Variants in CSMD3 observed in about 807,000 individuals in gnomAD.
CSMD3 encodes the protein CUB and sushi domain-containing protein 3.
In CSMD3, 177 loss-of-function variants were observed where a neutral mutation model predicts 435.2. The ratio of observed to expected loss-of-function variants is 0.41; its 90% CI spans 0.36 to 0.46. CSMD3 has a LOEUF of 0.46. Ranked by LOEUF, CSMD3 falls within the 20% of genes least tolerant of loss-of-function variation. CSMD3 has a pLI of 0.34. For missense variants in CSMD3, 4,265 were observed against 4,504.6 expected (o/e 0.95, Z 1.52); for synonymous variants, 1,656 against 1,520.5 (o/e 1.09, Z -2.07).
At chr8:113,036,422 T>C (rs2087354062) in intron 5 of CSMD3, among the ~76,000 whole-genome samples, 1 of 152,054 alleles carries the variant, frequency 6.6e-6, no homozygotes, top group African/African-American at 2.4e-5. Flanking sequence ...GGAATAGAAA[T>C]GTAACAGCTT....
rs2088218103 is a variant in CSMD3 at position 113,054,165 on chromosome 8, T to C, written c.918-34986A>G. Among the ~76,000 whole-genome samples the C allele has an allele frequency of 3.3e-5, 5 of 152,340 alleles. No individual in the cohort carries two copies. In the South Asian group the frequency reaches 6.2e-4, roughly 19 times the overall value. The stretch of plus-strand genomic sequence containing the variant: ...GCTTAGAGTTCGTGGCCCAATTACA[T>C]AATTACTTTCTCAAAATTATTATTT... On this transcript the variant is annotated intron_variant, in intron 5 of 70. Coordinates refer to ENST00000297405, the MANE Select transcript of CSMD3 (RefSeq NM_198123.2).
At chr8:112,482,830 T>C (rs1362188731) in intron 31 of CSMD3, among the ~76,000 whole-genome samples, 1 of 152,216 alleles carries the variant, frequency 6.6e-6, no homozygotes, top group African/African-American at 2.4e-5. Context: ...ATGTTTTCTC[T>C]AATTTCCAGA....
At chr8:112,354,245 G>C (rs1826389707) in intron 38 of CSMD3, among the ~76,000 whole-genome samples, 1 of 152,076 alleles carries the variant, frequency 6.6e-6, no homozygotes, top group South Asian at 2.1e-4. Flanking sequence ...ATATAATACT[G>C]AGTGGGCAAA....
chr8:113,019,157 G>C lies in CSMD3; in HGVS notation c.940C>G (p.Pro314Ala). Residue 314 changes from proline to alanine, a missense_variant, in exon 6 of 71, where the codon CCA becomes GCA. By Grantham distance (27) the Pro-to-Ala change is conservative. Around this residue, in one of 3 missense-constraint regions of CSMD3, gnomAD observed 731 missense variants for 755.4 expected, o/e 0.97. Coordinates refer to ENST00000297405, the MANE Select transcript of CSMD3 (RefSeq NM_198123.2). ...CAGTTTTTGTTGCTGATAATTGGTG[G>C]TGGTATATTCATTCCAGATAACCTG... ...TIWLSGMNIP[P>A]PIISNKNWLR... The C allele has an allele frequency of 6.2e-7, 1 of 1,611,878 alleles. No individual in the cohort carries two copies. The highest frequency in any genetic ancestry group is 8.5e-7 in the Non-Finnish European group (1 of 1,178,096).
chr8:113,327,126 T>C (rs1238519274), intron 1 of CSMD3, among the ~76,000 whole-genome samples: 2 of 152,192 alleles, frequency 1.3e-5, no homozygotes, highest in African/African-American at 2.4e-5. Context: ...GTATTTCAAA[T>C]TAGAGAGTAG....
intron 13 of CSMD3, among the ~76,000 whole-genome samples, chr8:112,694,373 A>G (rs1032885080): frequency 6.6e-5 from 10 of 152,146 alleles, no homozygotes; most frequent in Admixed American, 6.5e-4. Flanking sequence ...ACACTTATTT[A>G]TCTTAGGAAT....
Position 112,705,418 on chromosome 8 carries a change from C to T in CSMD3, c.1973-15368G>A, listed in dbSNP as rs182132158. Reference sequence around the variant, plus strand: ...AACCCCTTGTCTTCTCATTTCTTCACGAATTTAGGATTTCTTTGTCTAAAA... The same window carrying T: ...AACCCCTTGTCTTCTCATTTCTTCATGAATTTAGGATTTCTTTGTCTAAAA... On this transcript the variant is annotated intron_variant, in intron 13 of 70. Coordinates refer to ENST00000297405, the MANE Select transcript of CSMD3 (RefSeq NM_198123.2). Among the ~76,000 whole-genome samples, 10 of 152,162 alleles carry T rather than the reference C, an allele frequency of 6.6e-5. No homozygotes were observed. In the East Asian group the frequency reaches 9.7e-4, roughly 15 times the overall value.
rs1185236927 is a variant in CSMD3 at position 113,292,018 on chromosome 8, G to A, written c.402-13314C>T. On this transcript the variant is annotated intron_variant, in intron 2 of 70. Transcript: ENST00000297405. ...TTAAGCCAATATCCACTAGGTTTAG[G>A]AATTAGCATTTTACCATATTTTATA... is the stretch of plus-strand genomic sequence containing the variant. 5.3e-5 allele frequency among the ~76,000 whole-genome samples: 8 copies of A among 151,838 alleles called. No homozygotes were observed. In the South Asian group the frequency reaches 1.7e-3, roughly 32 times the overall value.
At chr8:113,300,432 C>G (rs2132581902) in intron 2 of CSMD3, among the ~76,000 whole-genome samples, 1 of 152,190 alleles carries the variant, frequency 6.6e-6, no homozygotes, top group African/African-American at 2.4e-5. Context: ...GTCATGGAAC[C>G]AACCTAAGCA....
At chr8:113,292,754 G>C (rs1449267421) in intron 2 of CSMD3, among the ~76,000 whole-genome samples, 1 of 151,554 alleles carries the variant, frequency 6.6e-6, no homozygotes, top group Non-Finnish European at 1.5e-5. Context: ...AATATTATTA[G>C]GTTGATGCAA....
intron 10 of CSMD3, among the ~76,000 whole-genome samples, chr8:112,866,757 A>C (rs1313244092): frequency 6.6e-6 from 1 of 152,190 alleles, no homozygotes; most frequent in Non-Finnish European, 1.5e-5. Flanking sequence ...TGGTATTGAC[A>C]ACAGCATAAA....
At chr8:113,184,205 A>T (rs1276513266) in intron 3 of CSMD3, among the ~76,000 whole-genome samples, 1 of 151,974 alleles carries the variant, frequency 6.6e-6, no homozygotes, top group Non-Finnish European at 1.5e-5. Context: ...CAGAGCTTTC[A>T]TTCCCTCCCT....
chr8:112,544,801 T>G (rs1173769540), intron 27 of CSMD3, among the ~76,000 whole-genome samples: 1 of 152,196 alleles, frequency 6.6e-6, no homozygotes, highest in East Asian at 1.9e-4. Context: ...CTTTTGGACA[T>G]CTTAGTGGAT....
At chr8:113,305,024 C>T (rs1190455368) in intron 2 of CSMD3, among the ~76,000 whole-genome samples, 2 of 150,034 alleles carry the variant, frequency 1.3e-5, no homozygotes, top group Non-Finnish European at 3.0e-5. Context: ...AATTGGAAAT[C>T]ATCATTCTCA....
chr8:113,308,960 G>C (rs963610401), intron 2 of CSMD3, among the ~76,000 whole-genome samples: 2 of 151,706 alleles, frequency 1.3e-5, no homozygotes, highest in Non-Finnish European at 2.9e-5. Context: ...CTTTTGTTTT[G>C]TTTTTAGAGA....
At chr8:112,517,350 C>A (rs969155581) in intron 27 of CSMD3, 125 bp from the exon 28 acceptor site, 5 of 643,990 alleles carry the variant, frequency 7.8e-6, no homozygotes, top group African/African-American at 3.7e-5. Flanking sequence ...ATACAATAAA[C>A]ACTTTCTCCA....
chr8:113,268,512 C>T (rs1430928237), intron 3 of CSMD3, among the ~76,000 whole-genome samples: 1 of 151,716 alleles, frequency 6.6e-6, no homozygotes, highest in African/African-American at 2.4e-5. Context: ...ACTAGATATT[C>T]ATTAGAAAAT....
At chr8:112,616,158 T>G (rs1168286954) in intron 22 of CSMD3, among the ~76,000 whole-genome samples, 1 of 152,128 alleles carries the variant, frequency 6.6e-6, no homozygotes, top group South Asian at 2.1e-4. Context: ...CCTTCATCTG[T>G]GAAATCAGTA....
chr8:113,436,485 C>T (rs2094706721), intron 1 of CSMD3, among the ~76,000 whole-genome samples, 192 bp downstream of exon 1: 1 of 152,204 alleles, frequency 6.6e-6, no homozygotes, highest in South Asian at 2.1e-4. Flanking sequence ...TCAATCACCG[C>T]ATTGAACGCC....
Sources: allele counts gnomAD v4.1 joint callset (sites outside exome capture counted in the v4.1 genomes callset), GRCh38; gene constraint gnomAD v4.1.1; regional missense constraint gnomAD v4.1.1; transcripts MANE v1.5; gene names NCBI Gene and HGNC (gene_info 2026-07-23, HGNC 2026-07-21).